ARID1A: variants seen among roughly 807,000 people sequenced by gnomAD.
ARID1A encodes the protein AT-rich interactive domain-containing protein 1A.
Under a neutral mutation model 212.6 loss-of-function variants are expected in ARID1A, and 20 were observed. The ratio of observed to expected loss-of-function variants is 0.09; its 90% confidence interval spans 0.07 to 0.14. The LOEUF (loss-of-function observed/expected upper bound fraction) is 0.14. Among genes scored for constraint, ARID1A ranks in the 10% least tolerant of loss-of-function variants. The pLI is 1.00. For missense variants in ARID1A, 2,587 were observed against 3,059.0 expected (o/e 0.85, Z 3.64); for synonymous variants, 1,376 against 1,222.1 (o/e 1.13, Z -2.63).
At chr1:26,740,593 ATCACAGGGATCCTGC>A (rs1292119570) in intron 4 of ARID1A, among the ~76,000 whole-genome samples, 8 of 152,302 alleles carry the variant, frequency 5.3e-5, no homozygotes, top group African/African-American at 1.7e-4. Context: ...GGAAAGCTAG[ATCACAGGGATCCTGC>A]TGAGCTTAAG....
intron 1 of ARID1A, among the ~76,000 whole-genome samples, chr1:26,712,897 G>C (rs2080467252): frequency 6.6e-6 from 1 of 152,220 alleles, no homozygotes; most frequent in Non-Finnish European, 1.5e-5. Context: ...TGAAGACCAA[G>C]TGAAGAACCA....
chr1:26,734,347 T>C (rs1187857603), intron 4 of ARID1A, among the ~76,000 whole-genome samples: 7 of 149,292 alleles, frequency 4.7e-5, no homozygotes, highest in Non-Finnish European at 8.9e-5. Flanking sequence ...TGGCTTCTTT[T>C]TTTTTTTTTT....
chr1:26,745,840 T>C (rs1570589116), intron 4 of ARID1A, among the ~76,000 whole-genome samples: 1 of 152,038 alleles, frequency 6.6e-6, no homozygotes, highest in Admixed American at 6.6e-5. Context: ...TCACCTGAGG[T>C]TGGGAGTTCA....
At chr1:26,735,050 G>A (rs1485956719) in intron 4 of ARID1A, among the ~76,000 whole-genome samples, 1 of 151,726 alleles carries the variant, frequency 6.6e-6, no homozygotes, top group African/African-American at 2.4e-5. Flanking sequence ...CTATTATCCT[G>A]ATCATGTTAT....
intron 4 of ARID1A, among the ~76,000 whole-genome samples, chr1:26,735,696 C>G (rs984349779): frequency 1.3e-5 from 2 of 152,136 alleles, no homozygotes; most frequent in Non-Finnish European, 2.9e-5. Flanking sequence ...GGAGTGGGGC[C>G]CAAGAATGTG....
intron 4 of ARID1A, among the ~76,000 whole-genome samples, chr1:26,738,084 C>T (rs1474513289): frequency 6.6e-6 from 1 of 151,394 alleles, no homozygotes; most frequent in African/African-American, 2.4e-5. Context: ...AGTGCAGTGG[C>T]ACAATCGCAG....
At chr1:26,726,247 G>C (rs891660149) in intron 1 of ARID1A, among the ~76,000 whole-genome samples, 1 of 145,926 alleles carries the variant, frequency 6.9e-6, no homozygotes, top group Non-Finnish European at 1.5e-5. Context: ...ATCTCGGCTC[G>C]CTTCAGTCTT....
chr1:26,771,404 G>C lies in ARID1A; in HGVS notation c.3406+78G>C. 1 of 1,440,388 alleles carries C rather than the reference G, an allele frequency of 6.9e-7. No homozygotes were observed. The highest frequency in any genetic ancestry group is 9.6e-7 in the Non-Finnish European group (1 of 1,039,810). 89.2% of individuals were successfully genotyped at this position (1,440,388 alleles called of 1,614,324 possible). A position where few individuals can be genotyped will look rare whatever the true frequency, so the allele number is the denominator to read the frequency against. Reference sequence around the variant, plus strand: ...CCTCTTATTCAGGATATGAATAAGAGGCTTATCCAACAGGATATGCCAAGG... The same window carrying C: ...CCTCTTATTCAGGATATGAATAAGACGCTTATCCAACAGGATATGCCAAGG... On this transcript the variant is annotated intron_variant, in intron 12 of 19. Transcript: ENST00000324856. This position sits in a 1 kb window ranked among gnomAD's most constrained non-coding sequence, Gnocchi z 5.4.
Position 26,766,549 on chromosome 1 carries a change from A to T in ARID1A, c.2971A>T (p.Thr991Ser), listed in dbSNP as rs151015091. Residue 991 changes from threonine (T) to serine (S), a missense_variant, in exon 10 of 20, where the codon ACA (threonine) becomes TCA (serine). Thr to Ser is a moderately conservative substitution (Grantham distance 58, BLOSUM62 1). Transcript: ENST00000324856. ...CAACAAGGCAGATGGGACACCCAAG[A>T]CAGAATCCAAATCCAAGGTAGTGAT... ...MNNKADGTPKTESKSKKSSSS... is the reference protein window; with the variant it reads ...MNNKADGTPKSESKSKKSSSS... The T allele has an allele frequency of 1.4e-5, 23 of 1,612,190 alleles. No individual in the cohort carries two copies. The African/African-American group carries it at 2.7e-4, about 19-fold the overall frequency.
intron 1 of ARID1A, among the ~76,000 whole-genome samples, chr1:26,705,290 A>C: frequency 6.6e-6 from 1 of 152,010 alleles, no homozygotes; most frequent in South Asian, 2.1e-4. Context: ...GGCTTCCACC[A>C]CCATGCCCGG....
intron 4 of ARID1A, among the ~76,000 whole-genome samples, chr1:26,747,492 G>C (rs1241973721): frequency 6.6e-6 from 1 of 152,122 alleles, no homozygotes; most frequent in Non-Finnish European, 1.5e-5. Flanking sequence ...ATGGAGATGG[G>C]TGGAGGTAAT....
intron 4 of ARID1A, among the ~76,000 whole-genome samples, chr1:26,741,725 A>C (rs890175616): frequency 1.8e-4 from 28 of 152,262 alleles, no homozygotes; most frequent in African/African-American, 5.5e-4. Context: ...ATCAGGAGGG[A>C]GGTGGAGAAC....
intron 19 of ARID1A, chr1:26,775,993 C>T (rs532306238): frequency 1.9e-6 from 1 of 518,200 alleles, no homozygotes; most frequent in East Asian, 4.3e-5. Flanking sequence ...AGTGGGGACA[C>T]CACATTTTCT....
rs771780446 is a variant in ARID1A, at chr1:26,697,015, C to A, written c.612C>A (p.Asp204Glu). Residue 204 changes from aspartate to glutamate, a missense_variant, in exon 1 of 20, where the codon GAC becomes GAA. Physicochemically the swap from Asp to Glu is conservative, Grantham distance 45. Coordinates refer to ENST00000324856, the MANE Select transcript of ARID1A (RefSeq NM_006015.6). ...PYAGPQQNSHDHGFPNHQYNS... is the reference protein window; with the variant it reads ...PYAGPQQNSHEHGFPNHQYNS... ...CGGGGCCCCAGCAGAACTCTCACGACCACGGCTTCCCCAACCACCAGTACA... is the reference window on the plus strand; with the variant it reads ...CGGGGCCCCAGCAGAACTCTCACGAACACGGCTTCCCCAACCACCAGTACA... 1.3e-6 allele frequency: 2 copies of A among 1,534,090 alleles called. No individual in the cohort carries two copies. Among genetic ancestry groups the A allele is most frequent in the African/African-American group, 2.9e-5 (2 of 69,714 alleles).
At position 26,773,689 on chromosome 1, in the gene ARID1A, C is replaced by A. The variant is rs754417116; in HGVS notation, c.3976C>A (p.Pro1326Thr). 1.9e-6 allele frequency: 3 copies of A among 1,614,192 alleles called. No individual in the cohort carries two copies. The highest frequency in any genetic ancestry group is 2.5e-6 in the Non-Finnish European group (3 of 1,180,010). ...GATGTATTCTCCTAGCCGCTACCCC[C>A]CGCAGCAGCAGCAGCAGCAGCAGCA... ...SGMYSPSRYP[P>T]QQQQQQQQRH... The change falls in exon 16 of 20, where the codon CCG (proline) becomes ACG (threonine). Residue 1326 changes from proline to threonine, a missense_variant. This residue lies in a region of ARID1A where 890 missense variants were observed against 1,098.2 expected (regional missense o/e 0.81). Coordinates refer to ENST00000324856, the MANE Select transcript of ARID1A (RefSeq NM_006015.6).
chr1:26,761,012 C>A lies in ARID1A; in HGVS notation c.2077C>A (p.Arg693=), dbSNP rs555633429. The change falls in exon 5 of 20, where the codon CGA becomes AGA. Residue 693 remains arginine, a synonymous_variant. Coordinates refer to ENST00000324856, the MANE Select transcript of ARID1A (RefSeq NM_006015.6). ...TACCTCCCCTCACCTGCCTGGCATC[C>A]GAGGCCCTTCCCCGTCCCCTGTTGG... ...PHTSPHLPGI[R]GPSPSPVGSP... is the part of the protein sequence containing the mutation. 146 of 1,613,884 alleles carry A rather than the reference C, an allele frequency of 9.0e-5. No individual in the cohort carries two copies. The highest frequency in any genetic ancestry group is 1.2e-4 in the Non-Finnish European group (140 of 1,180,030).
rs2081184076 is a variant in ARID1A, at chr1:26,780,715, C to G, written c.6817C>G (p.Gln2273Glu). The G allele has an allele frequency of 1.3e-6, 2 of 1,589,290 alleles. No individual in the cohort carries two copies. Among genetic ancestry groups the G allele is most frequent in the Non-Finnish European group, 1.7e-6 (2 of 1,170,798 alleles). Residue 2273 changes from glutamine (Q) to glutamate (E), a missense_variant, in exon 20 of 20, where the codon CAA (glutamine) becomes GAA (glutamate). Gln to Glu is a conservative substitution (Grantham distance 29, BLOSUM62 2). This residue lies in a region of ARID1A where 27 missense variants were observed against 28.4 expected (regional missense o/e 0.95). Coordinates refer to ENST00000324856, the MANE Select transcript of ARID1A (RefSeq NM_006015.6). The surrounding 1 kb of genome is among the most constrained non-coding windows in gnomAD (Gnocchi z 7.2). ...ACCGTTGATGAACTCATTGGTTTCA[C>G]AAGTCATTTGTGATGTACTGTTTTT... ...VSPLMNSLVS[Q>E]VICDVLFLIG...
At chr1:26,761,967 GGTT>G (rs2080996657) in intron 6 of ARID1A, among the ~76,000 whole-genome samples, 182 bp from the exon 7 acceptor site, 1 of 152,110 alleles carries the variant, frequency 6.6e-6, no homozygotes, top group Non-Finnish European at 1.5e-5. Flanking sequence ...GGCATGCCCT[GGTT>G]AATGGTTCAT....
chr1:26,733,481 C>T (rs966277832), intron 4 of ARID1A, among the ~76,000 whole-genome samples: 1 of 152,118 alleles, frequency 6.6e-6, no homozygotes, highest in African/African-American at 2.4e-5. Context: ...AGAGTGCACA[C>T]GAGCACTGCA....
Sources: allele counts gnomAD v4.1 joint callset (sites outside exome capture counted in the v4.1 genomes callset), GRCh38; gene constraint gnomAD v4.1.1; regional missense constraint gnomAD v4.1.1; non-coding constraint Gnocchi (gnomAD v3.1); transcripts MANE v1.5; gene names NCBI Gene and HGNC (gene_info 2026-07-23, HGNC 2026-07-21).